Variants in MED12L observed in about 807,000 individuals in gnomAD.
The protein encoded by MED12L is mediator of RNA polymerase II transcription subunit 12-like protein.
In MED12L, 60 loss-of-function variants were observed where a neutral mutation model predicts 281.3. The observed-to-expected ratio is 0.21, with a 90% CI of 0.17 to 0.26. The LOEUF (loss-of-function observed/expected upper bound fraction) is 0.26, where lower values mean the gene tolerates loss of function less well. Ranked by LOEUF, MED12L falls within the 10% of genes least tolerant of loss-of-function variation. MED12L has a pLI of 1.00. For missense variants in MED12L, 2,146 were observed against 2,680.9 expected (o/e 0.80, Z 4.41); for synonymous variants, 974 against 987.2 (o/e 0.99, Z 0.25).
At chr3:151,235,654 A>G (rs974946250) in intron 16 of MED12L, among the ~76,000 whole-genome samples, 1 of 152,022 alleles carries the variant, frequency 6.6e-6, no homozygotes, top group African/African-American at 2.4e-5. Context: ...AGGTCGCGCC[A>G]CTGCACTCCA....
chr3:151,377,282 A>G (rs1577496314), intron 30 of MED12L, 104 bp downstream of exon 30: 1 of 860,266 alleles, frequency 1.2e-6, no homozygotes, highest in Non-Finnish European at 1.8e-6. Context: ...GAATGTGAAG[A>G]ACATAGTTAC....
intron 30 of MED12L, 49 bp from the exon 31 acceptor site, chr3:151,377,963 G>A (rs1577498403): frequency 1.3e-5 from 20 of 1,505,632 alleles, no homozygotes; most frequent in Non-Finnish European, 1.8e-5. Context: ...AACTGTGAGA[G>A]CAGGGGAAAG....
At chr3:151,125,641 C>G (rs1714403952) in intron 4 of MED12L, among the ~76,000 whole-genome samples, 1 of 152,172 alleles carries the variant, frequency 6.6e-6, no homozygotes, top group Admixed American at 6.5e-5. Context: ...GAAAATTTAA[C>G]TCACTGACAC....
rs1246111418 is a variant in MED12L at position 151,173,552 on chromosome 3, TA to T, written c.1494+7574del. 2.6e-5 allele frequency among the ~76,000 whole-genome samples: 4 copies of T among 152,252 alleles called. No individual in the cohort carries two copies. In the South Asian group the frequency reaches 8.3e-4, roughly 31 times the overall value. On this transcript the variant is annotated intron_variant, in intron 11 of 44. Transcript: ENST00000687756. ...TGTGATGGAATAATCTATTAATTTT[TA>T]AAAGCTTGCTTGACAATTTTAACAT... is the stretch of plus-strand genomic sequence containing the variant.
Position 151,435,572 on chromosome 3 carries a change from G to C in MED12L, c.*2768G>C, listed in dbSNP as rs749553203. ...AGTAATTCTCGGTTTTGTGCACTGAGATATCTAAGACCTATGGCATTTTTT... is the reference window on the plus strand; with the variant it reads ...AGTAATTCTCGGTTTTGTGCACTGACATATCTAAGACCTATGGCATTTTTT... On this transcript the variant is annotated 3_prime_UTR_variant, in exon 45 of 45. Coordinates refer to ENST00000687756, the MANE Select transcript of MED12L (RefSeq NM_001393769.1). The C allele has an allele frequency of 5.3e-5, 8 of 152,194 alleles. No homozygotes were observed. The South Asian group carries it at 1.0e-3, about 20-fold the overall frequency. The allele number at this position is 152,194 out of a possible 1,614,324, so 9.4% of individuals were successfully genotyped here.
intron 5 of MED12L, among the ~76,000 whole-genome samples, chr3:151,132,782 T>G (rs1715583521): frequency 6.6e-6 from 1 of 152,252 alleles, no homozygotes; most frequent in African/African-American, 2.4e-5. Flanking sequence ...ATCACTTTGT[T>G]ACACCTGATA....
At chr3:151,113,975 A>G (rs1178140514) in intron 2 of MED12L, among the ~76,000 whole-genome samples, 3 of 152,196 alleles carry the variant, frequency 2.0e-5, no homozygotes, top group Non-Finnish European at 2.9e-5. Context: ...CTGTTACTCA[A>G]TGTTTCTTAT....
intron 21 of MED12L, 88 bp from the exon 22 acceptor site, chr3:151,364,891 C>T: frequency 1.1e-6 from 1 of 917,620 alleles, no homozygotes; most frequent in Admixed American, 1.9e-5. Flanking sequence ...ATTACAGTTC[C>T]TGCCATTTAA....
At chr3:151,288,736 T>A (rs1446507004) in intron 16 of MED12L, among the ~76,000 whole-genome samples, 2 of 152,240 alleles carry the variant, frequency 1.3e-5, no homozygotes, top group African/African-American at 4.8e-5. Flanking sequence ...ATTTGAGTTA[T>A]CATGATTTAG....
intron 16 of MED12L, among the ~76,000 whole-genome samples, chr3:151,279,295 A>G (rs191826164): frequency 7.9e-5 from 12 of 152,352 alleles, no homozygotes; most frequent in East Asian, 3.9e-4. Context: ...AAACATAGCT[A>G]TACATTTAGT....
chr3:151,357,184 T>A, intron 19 of MED12L, 29 bp from the exon 20 acceptor site: 4 of 1,548,124 alleles, frequency 2.6e-6, no homozygotes, highest in Non-Finnish European at 2.6e-6. Context: ...GGCACCTACA[T>A]GTTTATTCAG....
intron 16 of MED12L, among the ~76,000 whole-genome samples, chr3:151,283,387 A>G (rs1743065076): frequency 2.0e-5 from 3 of 152,258 alleles, no homozygotes; most frequent in Admixed American, 2.0e-4. Flanking sequence ...TTACAAAACA[A>G]AAACTTTTGT....
intron 16 of MED12L, chr3:151,316,519 C>A (rs1159971800): frequency 2.6e-5 from 4 of 152,152 alleles, no homozygotes; most frequent in Non-Finnish European, 5.9e-5. Flanking sequence ...AGTATAATTA[C>A]AGTTTTTAAT....
intron 5 of MED12L, among the ~76,000 whole-genome samples, chr3:151,136,948 G>A (rs149257657): frequency 2.0e-5 from 3 of 152,108 alleles, no homozygotes; most frequent in African/African-American, 7.2e-5. Context: ...TGGATCACGA[G>A]GTCAGGAGAT....
At chr3:151,282,019 A>G (rs1742883220) in intron 16 of MED12L, among the ~76,000 whole-genome samples, 2 of 152,178 alleles carry the variant, frequency 1.3e-5, no homozygotes, top group Non-Finnish European at 2.9e-5. Context: ...GAATTCACCT[A>G]TGCATAATTG....
chr3:151,215,003 G>C (rs1468531425), intron 16 of MED12L, among the ~76,000 whole-genome samples: 2 of 151,996 alleles, frequency 1.3e-5, no homozygotes, highest in Admixed American at 1.3e-4. Context: ...TTTTAGAAAA[G>C]TGTATTCTAC....
chr3:151,384,160 C>A lies in MED12L; in HGVS notation c.4868C>A (p.Ser1623Tyr). 1 of 1,613,950 alleles carries A rather than the reference C, an allele frequency of 6.2e-7. No homozygotes were observed. Among genetic ancestry groups the A allele is most frequent in the South Asian group, 1.1e-5 (1 of 91,050 alleles). The change falls in exon 35 of 45, where the codon TCC becomes TAC. Residue 1623 changes from serine (S) to tyrosine (Y), a missense_variant. Ser to Tyr is a moderately radical substitution (Grantham distance 144). This residue lies in a region of MED12L where 212 missense variants were observed against 340.8 expected (regional missense o/e 0.62). Transcript: ENST00000687756. ...GTLASDLSNASPGGSEENKRA... is the reference protein window; with the variant it reads ...GTLASDLSNAYPGGSEENKRA... The stretch of plus-strand genomic sequence containing the variant: ...TTAGCCTCTGACCTATCAAATGCAT[C>A]CCCTGGGGGATCTGAAGAGAACAAG...
chr3:151,231,673 G>A (rs990211583), intron 16 of MED12L, among the ~76,000 whole-genome samples: 22 of 152,250 alleles, frequency 1.4e-4, no homozygotes, highest in Admixed American at 6.5e-4. Flanking sequence ...AAATAACACC[G>A]TTAATGAGTG....
At chr3:151,351,490 T>G (rs992949163) in intron 17 of MED12L, among the ~76,000 whole-genome samples, 7 of 152,214 alleles carry the variant, frequency 4.6e-5, no homozygotes, top group African/African-American at 1.7e-4. Context: ...AACCTTCTTG[T>G]TGATGTGTCA....
Sources: gnomAD v4.1 joint callset for allele counts (sites outside exome capture counted in the v4.1 genomes callset) on GRCh38, gnomAD v4.1.1 for gene constraint, gnomAD v4.1.1 regional missense constraint, MANE v1.5 for transcripts, NCBI Gene and HGNC (gene_info 2026-07-23, HGNC 2026-07-21) for gene names.